Variants in BRMS1L observed in about 807,000 individuals in gnomAD.
BRMS1L encodes the protein BRMS1 like transcriptional repressor, also known as breast cancer metastasis-suppressor 1-like protein.
A neutral mutation model predicts 50.3 loss-of-function variants in BRMS1L; 23 were observed. The ratio of observed to expected loss-of-function variants is 0.46; its 90% confidence interval spans 0.33 to 0.65. The LOEUF (loss-of-function observed/expected upper bound fraction) is 0.65. Among genes scored for constraint, BRMS1L ranks in the 30% least tolerant of loss-of-function variants. The pLI is 0.02. For missense variants in BRMS1L, 286 were observed against 386.1 expected (o/e 0.74, Z 2.17); for synonymous variants, 114 against 126.9 (o/e 0.90, Z 0.69).
chr14:35,858,882 T>G (rs2078315053), intron 4 of BRMS1L, among the ~76,000 whole-genome samples: 1 of 152,030 alleles, frequency 6.6e-6, no homozygotes, highest in African/African-American at 2.4e-5. Context: ...AGGTGACTGT[T>G]TTTATGGCCT....
intron 1 of BRMS1L, among the ~76,000 whole-genome samples, chr14:35,830,227 G>A (rs1006442077): frequency 3.3e-5 from 5 of 151,702 alleles, no homozygotes; most frequent in Admixed American, 2.0e-4. Flanking sequence ...GTGCCACCAC[G>A]CCCAGCTAAT....
chr14:35,849,016 CTTTT>C (rs2078174325), intron 4 of BRMS1L, among the ~76,000 whole-genome samples: 2 of 150,472 alleles, frequency 1.3e-5, no homozygotes, highest in African/African-American at 4.9e-5. Flanking sequence ...ATTTTTTTTT[CTTTT>C]TCTTTTTCAA....
intron 4 of BRMS1L, chr14:35,858,828 T>G (rs2078314289): frequency 6.6e-6 from 1 of 152,170 alleles, no homozygotes; most frequent in Non-Finnish European, 1.5e-5. Context: ...CATAACCTGG[T>G]ACCCAGGTTC....
intron 4 of BRMS1L, among the ~76,000 whole-genome samples, chr14:35,835,685 AAAT>A (rs2077982680): frequency 6.6e-6 from 1 of 152,062 alleles, no homozygotes; most frequent in African/African-American, 2.4e-5. Flanking sequence ...CCTCTACAAA[AAAT>A]AGAAAAATTA....
At chr14:35,864,220 A>G (rs2078390955) in intron 6 of BRMS1L, among the ~76,000 whole-genome samples, 1 of 152,154 alleles carries the variant, frequency 6.6e-6, no homozygotes, top group Non-Finnish European at 1.5e-5. Context: ...TTGATGTGAA[A>G]CAGTCGTTTA....
Position 35,871,646 on chromosome 14 carries a change from G to T in BRMS1L, c.*1169G>T, listed in dbSNP as rs1033832306. ...TACAATGAGTTAAGAGGATGAGGAA[G>T]AAATCTACTTATTAACACTTACTGC... On this transcript the variant is annotated 3_prime_UTR_variant, in exon 10 of 10. Coordinates refer to ENST00000216807, the MANE Select transcript of BRMS1L (RefSeq NM_032352.4). The T allele has an allele frequency of 1.3e-5, 2 of 152,624 alleles. No individual in the cohort carries two copies. The highest frequency in any genetic ancestry group is 2.4e-5 in the African/African-American group (1 of 41,444). 9.5% of individuals were successfully genotyped at this position (152,624 alleles called of 1,614,324 possible).
intron 1 of BRMS1L, among the ~76,000 whole-genome samples, 175 bp from the exon 2 acceptor site, chr14:35,831,235 C>G (rs1177051546): frequency 1.3e-5 from 2 of 152,162 alleles, no homozygotes; most frequent in African/African-American, 4.8e-5. Context: ...CCACTACGCC[C>G]AGCAGAAATT....
intron 4 of BRMS1L, 45 bp downstream of exon 4, chr14:35,834,968 A>G: frequency 6.8e-7 from 1 of 1,480,008 alleles, no homozygotes. Flanking sequence ...CATCTCTTCA[A>G]GCCTTTTCTG....
intron 4 of BRMS1L, among the ~76,000 whole-genome samples, chr14:35,839,140 A>G (rs980599579): frequency 5.9e-5 from 9 of 151,932 alleles, no homozygotes; most frequent in East Asian, 1.9e-4. Flanking sequence ...CCTTTCCCCA[A>G]TGCTTGTTTT....
At chr14:35,856,861 G>A (rs1311399208) in intron 4 of BRMS1L, among the ~76,000 whole-genome samples, 15 of 151,860 alleles carry the variant, frequency 9.9e-5, no homozygotes, top group South Asian at 2.1e-4. Flanking sequence ...TGATCCTACC[G>A]CCCCAGCCTG....
chr14:35,829,270 A>G (rs547635710), intron 1 of BRMS1L, among the ~76,000 whole-genome samples: 19 of 152,280 alleles, frequency 1.2e-4, no homozygotes, highest in African/African-American at 3.9e-4. Context: ...TTAGATCTAT[A>G]AAGTATTTTG....
chr14:35,840,096 T>C (rs2078043686), intron 4 of BRMS1L, among the ~76,000 whole-genome samples: 1 of 152,228 alleles, frequency 6.6e-6, no homozygotes. Flanking sequence ...TTGAATTTTA[T>C]CGAAGACATT....
In BRMS1L at chr14:35,831,426, CTG is replaced by C; in HGVS notation, c.162_163del (p.Cys54Ter). 2.5e-6 allele frequency: 4 copies of C among 1,612,980 alleles called. No individual in the cohort carries two copies. The highest frequency in any genetic ancestry group is 3.4e-6 in the Non-Finnish European group (4 of 1,179,196). The stretch of plus-strand genomic sequence containing the variant: ...TATTAACAGAAATGGATGATGAAGA[CTG>C]TGAAAGAAGAAGAATGGAATGTTTG... ...GDSSEMDDED[C>X]ERRRMECLDE... On this transcript the variant is annotated frameshift_variant, in exon 2 of 10. Transcript: ENST00000216807. LOFTEE classifies it high-confidence loss of function.
At chr14:35,852,296 C>T (rs192229799) in intron 4 of BRMS1L, among the ~76,000 whole-genome samples, 2 of 152,308 alleles carry the variant, frequency 1.3e-5, no homozygotes, top group East Asian at 3.9e-4. Context: ...GCCTTAAACT[C>T]GTGGACTCAA....
intron 8 of BRMS1L, among the ~76,000 whole-genome samples, chr14:35,866,337 A>G (rs2078420924): frequency 6.6e-6 from 1 of 152,328 alleles, no homozygotes. Context: ...AAAAAGAAAA[A>G]CATATTTGAA....
intron 5 of BRMS1L, 113 bp from the exon 6 acceptor site, chr14:35,863,757 T>C: frequency 1.2e-6 from 1 of 851,124 alleles, no homozygotes; most frequent in East Asian, 2.5e-5. Context: ...CAGCTGCCAA[T>C]GAAGTTTTTT....
intron 4 of BRMS1L, among the ~76,000 whole-genome samples, chr14:35,851,834 A>G (rs2078215571): frequency 1.3e-5 from 2 of 152,154 alleles, no homozygotes; most frequent in African/African-American, 4.8e-5. Flanking sequence ...GCAGTAGCTC[A>G]AAGAGATATG....
At chr14:35,858,982 C>T (rs374615736) in intron 4 of BRMS1L, among the ~76,000 whole-genome samples, 1 of 151,086 alleles carries the variant, frequency 6.6e-6, no homozygotes, top group South Asian at 2.1e-4. Flanking sequence ...TGCTTAGTCA[C>T]CCAGGCTGGA....
chr14:35,832,500 C>T (rs1028464893), intron 2 of BRMS1L, among the ~76,000 whole-genome samples: 5 of 138,838 alleles, frequency 3.6e-5, no homozygotes, highest in Admixed American at 7.0e-5. Context: ...AGCGAGACTC[C>T]GTCTCAAAAA....
Sources: gnomAD v4.1 joint callset for allele counts (sites outside exome capture counted in the v4.1 genomes callset) on GRCh38, gnomAD v4.1.1 for gene constraint, MANE v1.5 for transcripts, NCBI Gene and HGNC (gene_info 2026-07-23, HGNC 2026-07-21) for gene names.